TRPM3: variants seen among roughly 807,000 people sequenced by gnomAD.
TRPM3 encodes long transient receptor potential channel 3.
Under a neutral mutation model 181.2 loss-of-function variants are expected in TRPM3, and 77 were observed. The ratio of observed to expected loss-of-function variants is 0.42; its 90% CI spans 0.35 to 0.51. The LOEUF (loss-of-function observed/expected upper bound fraction) is 0.51. Among genes scored for constraint, TRPM3 ranks in the 20% least tolerant of loss-of-function variants. The pLI, the probability that TRPM3 is intolerant of heterozygous loss-of-function variation, is 0.01. For synonymous variants in TRPM3, 745 were observed against 796.4 expected (o/e 0.94, Z 1.09); for missense variants, 1,759 against 2,196.7 (o/e 0.80, Z 3.98).
chr9:71,268,800 C>T (rs11142765), intron 1 of TRPM3, among the ~76,000 whole-genome samples: 31,991 of 151,666 alleles, frequency 0.21, 4,102 homozygotes, highest in East Asian at 0.36. Flanking sequence ...CCAGCCTGGG[C>T]GACAGAGCGA....
At chr9:70,996,656 T>C (rs1479753135) in intron 1 of TRPM3, among the ~76,000 whole-genome samples, 1 of 152,202 alleles carries the variant, frequency 6.6e-6, no homozygotes, top group African/African-American at 2.4e-5. Flanking sequence ...GTCTAATTTC[T>C]ATTGTACTGA....
intron 1 of TRPM3, among the ~76,000 whole-genome samples, chr9:71,229,584 A>T (rs1588055350): frequency 6.6e-6 from 1 of 152,172 alleles, no homozygotes; most frequent in Admixed American, 6.5e-5. Flanking sequence ...TAATAACCAG[A>T]CTATACAAGG....
rs1274398802 is a variant in TRPM3, at chr9:71,068,630, C to A, written c.177+52548G>T. 3.3e-5 allele frequency among the ~76,000 whole-genome samples: 5 copies of A among 152,168 alleles called. No homozygotes were observed. The East Asian group carries it at 7.7e-4, about 23-fold the overall frequency. On this transcript the variant is annotated intron_variant, in intron 1 of 25. Coordinates refer to ENST00000677713, the MANE Select transcript of TRPM3 (RefSeq NM_001366145.2). ...TCAAAATAATGATTGCCAAACAGGA[C>A]CTCTGTGTTACATGCTATGTGAGTG... is the stretch of plus-strand genomic sequence containing the variant.
intron 1 of TRPM3, among the ~76,000 whole-genome samples, chr9:71,245,894 G>A (rs1226514841): frequency 6.6e-6 from 1 of 152,182 alleles, no homozygotes; most frequent in African/African-American, 2.4e-5. Flanking sequence ...AAAGAGGGGA[G>A]GAACAGAAGA....
chr9:70,619,110 G>T lies in TRPM3; in HGVS notation c.2130-15C>A. The T allele has an allele frequency of 6.2e-7, 1 of 1,605,258 alleles. No individual in the cohort carries two copies. The highest frequency in any genetic ancestry group is 8.5e-7 in the Non-Finnish European group (1 of 1,174,750). On this transcript the variant is annotated splice_polypyrimidine_tract_variant and intron_variant, in intron 16 of 25. Transcript: ENST00000677713. Reference sequence around the variant, plus strand: ...GGCCAAAGTCTCTGAAAGACAGAATGGGTGGAAGAGTCCTTCAGGTCAGCT... The same window carrying T: ...GGCCAAAGTCTCTGAAAGACAGAATTGGTGGAAGAGTCCTTCAGGTCAGCT...
chr9:70,841,646 A>ATATATATATATG (rs2094647101), intron 5 of TRPM3, among the ~76,000 whole-genome samples: 1 of 131,892 alleles, frequency 7.6e-6, no homozygotes, highest in Non-Finnish European at 1.5e-5. Context: ...ATATATATAT[A>ATATATATATATG]TATATATATA....
At chr9:71,144,461 C>T (rs2075298246) in intron 1 of TRPM3, among the ~76,000 whole-genome samples, 1 of 152,048 alleles carries the variant, frequency 6.6e-6, no homozygotes, top group African/African-American at 2.4e-5. Context: ...CTAGACTGTT[C>T]TTAAGAATTG....
intron 1 of TRPM3, among the ~76,000 whole-genome samples, chr9:71,178,461 T>C (rs947090932): frequency 3.3e-5 from 5 of 152,138 alleles, no homozygotes; most frequent in African/African-American, 4.8e-5. Flanking sequence ...AAACTCATCA[T>C]TGTTTATTAT....
chr9:70,613,366 G>A (rs1381234132), intron 18 of TRPM3, among the ~76,000 whole-genome samples: 1 of 152,202 alleles, frequency 6.6e-6, no homozygotes, highest in Non-Finnish European at 1.5e-5. Flanking sequence ...ACTACTAAAA[G>A]CTACAAAAAT....
At chr9:70,610,483 G>A (rs1376954122) in intron 19 of TRPM3, 126 bp downstream of exon 19, 7 of 1,202,182 alleles carry the variant, frequency 5.8e-6, no homozygotes, top group Non-Finnish European at 7.0e-6. Context: ...AAAAAGCAAG[G>A]TCACAGAACT....
intron 1 of TRPM3, among the ~76,000 whole-genome samples, chr9:71,217,472 C>T (rs894213711): frequency 3.9e-5 from 6 of 152,204 alleles, no homozygotes; most frequent in Non-Finnish European, 7.3e-5. Flanking sequence ...TAGCAGTCCT[C>T]TGCCCAGACA....
intron 1 of TRPM3, among the ~76,000 whole-genome samples, chr9:71,438,833 T>A (rs1307127909): frequency 6.6e-6 from 1 of 152,218 alleles, no homozygotes; most frequent in Non-Finnish European, 1.5e-5. Flanking sequence ...TGATCATTAT[T>A]AAAGCTGGGT....
chr9:70,740,392 T>C (rs1179421746), intron 8 of TRPM3, among the ~76,000 whole-genome samples: 1 of 152,168 alleles, frequency 6.6e-6, no homozygotes, highest in Non-Finnish European at 1.5e-5. Flanking sequence ...ATGAACATAC[T>C]GCCAAAAGCA....
chr9:71,086,884 C>T (rs1157002426), intron 1 of TRPM3, among the ~76,000 whole-genome samples: 1 of 151,998 alleles, frequency 6.6e-6, no homozygotes, highest in East Asian at 1.9e-4. Context: ...GAATTAGTGC[C>T]TCTTGAAATT....
intron 1 of TRPM3, among the ~76,000 whole-genome samples, chr9:71,044,994 C>T (rs1030451373): frequency 6.6e-6 from 1 of 152,050 alleles, no homozygotes; most frequent in Non-Finnish European, 1.5e-5. Flanking sequence ...ACTGTTATTG[C>T]TCTCTGTTGT....
chr9:71,441,152 T>C (rs1383302625), intron 1 of TRPM3, among the ~76,000 whole-genome samples: 1 of 152,228 alleles, frequency 6.6e-6, no homozygotes, highest in Non-Finnish European at 1.5e-5. Flanking sequence ...AGCTTGTTGG[T>C]TGTTATATTA....
intron 8 of TRPM3, among the ~76,000 whole-genome samples, chr9:70,684,202 G>A (rs2066198913): frequency 6.6e-6 from 1 of 152,206 alleles, no homozygotes. Context: ...AACACATTTA[G>A]GTTTGAGGTT....
At chr9:70,655,739 G>T (rs184831783) in intron 9 of TRPM3, among the ~76,000 whole-genome samples, 122 of 152,216 alleles carry the variant, frequency 8.0e-4, no homozygotes, top group Middle Eastern at 3.4e-3. Flanking sequence ...TTTGCTATTT[G>T]ATTTTCACCT....
intron 1 of TRPM3, among the ~76,000 whole-genome samples, chr9:71,201,495 T>A (rs2078791325): frequency 6.6e-6 from 1 of 152,212 alleles, no homozygotes; most frequent in South Asian, 2.1e-4. Context: ...ATTCTCCCCA[T>A]CACTTTCAGG....
Sources: allele counts gnomAD v4.1 joint callset (sites outside exome capture counted in the v4.1 genomes callset), GRCh38; gene constraint gnomAD v4.1.1; transcripts MANE v1.5; gene names NCBI Gene and HGNC (gene_info 2026-07-23, HGNC 2026-07-21).